The following SLC14A2 variants were observed in gnomAD, a reference collection of about 807,000 sequenced individuals.
The protein encoded by SLC14A2 is urea transporter 2.
A neutral mutation model predicts 104.6 loss-of-function variants in SLC14A2; 91 were observed. The observed-to-expected ratio is 0.87, with a 90% CI of 0.73 to 1.04. The LOEUF (loss-of-function observed/expected upper bound fraction) is 1.04, where lower values mean the gene tolerates loss of function less well. Among genes scored for constraint, SLC14A2 ranks in the 50% least tolerant of loss-of-function variants. The pLI is 0.00. For missense variants in SLC14A2, 1,189 were observed against 1,156.0 expected (o/e 1.03, Z -0.41); for synonymous variants, 476 against 466.4 (o/e 1.02, Z -0.27).
At chr18:45,603,955 T>G (rs1032830916) in intron 2 of SLC14A2, among the ~76,000 whole-genome samples, 5 of 152,344 alleles carry the variant, frequency 3.3e-5, no homozygotes, top group South Asian at 2.1e-4. Context: ...AACCAGAACA[T>G]ATTTACTTTC....
chr18:45,439,894 G>A (rs1010727996), intron 1 of SLC14A2, among the ~76,000 whole-genome samples: 1 of 152,178 alleles, frequency 6.6e-6, no homozygotes, highest in Non-Finnish European at 1.5e-5. Context: ...GCAATCCTTG[G>A]AGACTCTATG....
chr18:45,406,611 T>C (rs2086157590), intron 1 of SLC14A2, among the ~76,000 whole-genome samples: 1 of 152,210 alleles, frequency 6.6e-6, no homozygotes, highest in Non-Finnish European at 1.5e-5. Context: ...CTGTGGAAGC[T>C]ATAGCTTTAC....
At chr18:45,218,520 T>A (rs2084031388) in intron 1 of SLC14A2, among the ~76,000 whole-genome samples, 1 of 152,218 alleles carries the variant, frequency 6.6e-6, no homozygotes, top group Non-Finnish European at 1.5e-5. Context: ...TGTGACTGTT[T>A]GACTTCAGAG....
intron 1 of SLC14A2, among the ~76,000 whole-genome samples, chr18:45,454,628 T>C (rs2086912149): frequency 6.6e-6 from 1 of 152,222 alleles, no homozygotes; most frequent in Non-Finnish European, 1.5e-5. Flanking sequence ...AGGATTTTTA[T>C]GGTTTTAGGT....
At chr18:45,271,867 C>T (rs1433698545) in intron 1 of SLC14A2, among the ~76,000 whole-genome samples, 2 of 152,106 alleles carry the variant, frequency 1.3e-5, no homozygotes, top group African/African-American at 4.8e-5. Context: ...AAGAACAAAA[C>T]TGGAGGAACC....
Position 45,550,377 on chromosome 18 carries a change from C to T in SLC14A2, c.-35+67055C>T, listed in dbSNP as rs114585509. Among the ~76,000 whole-genome samples the T allele has an allele frequency of 9.4e-3, 1,436 of 152,260 alleles. 20 individuals carry two copies. Among genetic ancestry groups the T allele is most frequent in the African/African-American group, 0.033 (1,354 of 41,550 alleles). On this transcript the variant is annotated intron_variant, in intron 2 of 20. Coordinates refer to the SLC14A2 transcript ENST00000586448. The stretch of plus-strand genomic sequence containing the variant: ...TGCCCTTGTGCATCCTCTTCCTGAA[C>T]CCTCAAGTTCAAATATCAAAATTTG...
intron 2 of SLC14A2, among the ~76,000 whole-genome samples, chr18:45,495,901 C>G (rs755477722): frequency 6.6e-6 from 1 of 152,186 alleles, no homozygotes; most frequent in Non-Finnish European, 1.5e-5. Context: ...CCTTGGCAAG[C>G]GCCAACTCCC....
intron 1 of SLC14A2, among the ~76,000 whole-genome samples, chr18:45,310,484 G>C (rs2085067480): frequency 6.6e-6 from 1 of 152,188 alleles, no homozygotes; most frequent in South Asian, 2.1e-4. Flanking sequence ...AAGCTACACA[G>C]TTCAGACAAG....
chr18:45,653,245 T>A (rs1407077444), intron 10 of SLC14A2, among the ~76,000 whole-genome samples: 1 of 152,044 alleles, frequency 6.6e-6, no homozygotes, highest in Non-Finnish European at 1.5e-5. Flanking sequence ...CCTTGGAATG[T>A]GGGGGCCTGC....
chr18:45,515,670 A>G (rs2043429360), intron 2 of SLC14A2: 1 of 152,348 alleles, frequency 6.6e-6, no homozygotes, highest in South Asian at 2.1e-4. Flanking sequence ...AAAAGCACGC[A>G]TAGCCCAGCC....
chr18:45,173,425 C>G, the SLC14A2 span, among the ~76,000 whole-genome samples: 20 of 151,076 alleles, frequency 1.3e-4, no homozygotes, highest in African/African-American at 4.6e-4. Context: ...CAAGTAAGAG[C>G]CAAAGTGTCA....
intron 1 of SLC14A2, among the ~76,000 whole-genome samples, chr18:45,453,865 T>G (rs1251402005): frequency 1.4e-5 from 2 of 139,032 alleles, no homozygotes; most frequent in East Asian, 2.1e-4. Flanking sequence ...TTTTTTTTTT[T>G]TTTTTTTTTT....
chr18:45,567,437 C>A (rs1429372064), intron 2 of SLC14A2, among the ~76,000 whole-genome samples: 1 of 152,228 alleles, frequency 6.6e-6, no homozygotes, highest in Non-Finnish European at 1.5e-5. Flanking sequence ...CAGCCCAGAT[C>A]TGTCTGCTGA....
chr18:45,446,929 C>T (rs748558956), intron 1 of SLC14A2, among the ~76,000 whole-genome samples: 2 of 152,182 alleles, frequency 1.3e-5, no homozygotes, highest in African/African-American at 2.4e-5. Context: ...CCCTCTCCCC[C>T]TCCCCACCCT....
Position 45,678,986 on chromosome 18 carries a change from G to A in SLC14A2, c.2524G>A (p.Ala842Thr). 1 of 1,556,668 alleles carries A rather than the reference G, an allele frequency of 6.4e-7. No homozygotes were observed. The highest frequency in any genetic ancestry group is 8.7e-7 in the Non-Finnish European group (1 of 1,150,506). The change falls in exon 19 of 20, where the codon GCC becomes ACC. Residue 842 changes from alanine (A) to threonine (T), a missense_variant. Ala to Thr is a moderately conservative substitution (Grantham distance 58). Transcript: ENST00000255226. ...LLAIACALFA[A>T]YLGAALANML... is the part of the protein sequence containing the mutation. ...TTTTTTTTTTCTAGCACTGTTTGCT[G>A]CCTACCTGGGTGCTGCCCTGGCTAA...
intron 1 of SLC14A2, among the ~76,000 whole-genome samples, chr18:45,296,289 G>T (rs1037144909): frequency 6.6e-6 from 1 of 152,200 alleles, no homozygotes; most frequent in Non-Finnish European, 1.5e-5. Flanking sequence ...CTGGCATGGG[G>T]TGGGATAGGT....
chr18:45,635,080 T>G (rs1200291382), intron 5 of SLC14A2: 4 of 337,956 alleles, frequency 1.2e-5, no homozygotes, highest in African/African-American at 8.6e-5. Context: ...TTTGCCTAAG[T>G]ACCTAGGTTG....
intron 2 of SLC14A2, among the ~76,000 whole-genome samples, chr18:45,493,497 A>G (rs2043037533): frequency 6.6e-6 from 1 of 152,242 alleles, no homozygotes; most frequent in African/African-American, 2.4e-5. Context: ...ATCTAATACT[A>G]ACCCACTGTG....
chr18:45,203,234 A>T, the SLC14A2 span, among the ~76,000 whole-genome samples: 15 of 152,224 alleles, frequency 9.9e-5, no homozygotes, highest in African/African-American at 2.9e-4. Flanking sequence ...AGCCAGGAAA[A>T]CAAGCCCCTG....
Sources: gnomAD v4.1 joint callset for allele counts (sites outside exome capture counted in the v4.1 genomes callset) on GRCh38, gnomAD v4.1.1 for gene constraint, MANE v1.5 for transcripts, NCBI Gene and HGNC (gene_info 2026-07-23, HGNC 2026-07-21) for gene names.